Variants in XPO4 observed in about 807,000 individuals in gnomAD.
XPO4 encodes the protein exportin-4.
XPO4 carries 39 observed loss-of-function variants against 143.0 expected under a neutral mutation model. The observed-to-expected ratio is 0.27, with a 90% CI of 0.21 to 0.36. The LOEUF is 0.36. Ranked by LOEUF, XPO4 falls within the 10% of genes least tolerant of loss-of-function variation. The pLI, the probability that XPO4 is intolerant of heterozygous loss-of-function variation, is 1.00. For missense variants in XPO4, 907 were observed against 1,348.0 expected (o/e 0.67, Z 5.12); for synonymous variants, 439 against 474.0 (o/e 0.93, Z 0.96).
intron 1 of XPO4, 62 bp from the exon 2 acceptor site, chr13:20,868,763 T>G: frequency 6.7e-7 from 1 of 1,483,410 alleles, no homozygotes; most frequent in Non-Finnish European, 9.2e-7. Context: ...ATAATATCAA[T>G]ATTTTTACCC....
chr13:20,862,827 T>C lies in XPO4; in HGVS notation c.207A>G (p.Gln69=), dbSNP rs768009817. ...ETSKVDYVLF[Q]AATAIMEAVV... ...CTGCTTCCATTATGGCTGTGGCAGC[T>C]TGAAAGAGGACATAGTCCACTTTAC... The change falls in exon 3 of 23, where the codon CAA becomes CAG. Residue 69 remains glutamine, a synonymous_variant. Transcript: ENST00000255305. 12 of 1,614,046 alleles carry C rather than the reference T, an allele frequency of 7.4e-6. No individual in the cohort carries two copies. Among genetic ancestry groups the C allele is most frequent in the African/African-American group, 4.0e-5 (3 of 74,934 alleles).
chr13:20,797,487 AACG>A (rs1278508839), intron 16 of XPO4, among the ~76,000 whole-genome samples: 1 of 152,224 alleles, frequency 6.6e-6, no homozygotes, highest in African/African-American at 2.4e-5. Flanking sequence ...CTTGGCACAG[AACG>A]TAACTTCAGA....
At chr13:20,885,280 T>A (rs2060450998) in intron 1 of XPO4, among the ~76,000 whole-genome samples, 1 of 152,220 alleles carries the variant, frequency 6.6e-6, no homozygotes, top group Admixed American at 6.5e-5. Context: ...CTAGTCTTTG[T>A]ATTACTCTGG....
chr13:20,805,773 G>A (rs1009292661), intron 13 of XPO4, among the ~76,000 whole-genome samples: 1 of 152,138 alleles, frequency 6.6e-6, no homozygotes, highest in African/African-American at 2.4e-5. Context: ...AATACCCGAA[G>A]GCTCCCTGTT....
chr13:20,852,511 T>C, intron 4 of XPO4: 1 of 984,664 alleles, frequency 1.0e-6, no homozygotes, highest in South Asian at 4.7e-5. Flanking sequence ...AATGACAAGA[T>C]TACCATTATA....
intron 13 of XPO4, 26 bp downstream of exon 13, chr13:20,807,431 G>C (rs772762160): frequency 6.3e-7 from 1 of 1,579,976 alleles, no homozygotes; most frequent in Non-Finnish European, 8.6e-7. Flanking sequence ...AAAATTACAA[G>C]AGCACAGCTA....
Position 20,808,374 on chromosome 13 carries a change from T to C in XPO4, c.1639+62A>G, listed in dbSNP as rs931003022. ...CACTATTGTTTTTCATATAGGAAGC[T>C]TCTTTTAAGGCTTAAATTGCTCAGT... On this transcript the variant is annotated intron_variant, in intron 12 of 22. Transcript: ENST00000255305. 1.6e-5 allele frequency: 23 copies of C among 1,436,840 alleles called. No homozygotes were observed. The African/African-American group carries it at 3.1e-4, about 19-fold the overall frequency. 89.0% of individuals were successfully genotyped at this position (1,436,840 alleles called of 1,614,324 possible).
chr13:20,811,976 C>T (rs775530799), intron 9 of XPO4, among the ~76,000 whole-genome samples: 8 of 152,248 alleles, frequency 5.3e-5, no homozygotes, highest in African/African-American at 9.6e-5. Context: ...AAAGAGATCA[C>T]GGCCGGAAAT....
At position 20,777,498 on chromosome 13, in the gene XPO4, C is replaced by T. The variant is rs2059101123; in HGVS notation, c.*6224G>A. On this transcript the variant is annotated 3_prime_UTR_variant, in exon 23 of 23. Coordinates refer to ENST00000255305, the MANE Select transcript of XPO4 (RefSeq NM_022459.5). Reference sequence around the variant, plus strand: ...TAGTTAGACATTGAATCTAGGTCTGCCTCTACCCTGCAGTCTACCAGTTCA... The same window carrying T: ...TAGTTAGACATTGAATCTAGGTCTGTCTCTACCCTGCAGTCTACCAGTTCA... The T allele has an allele frequency of 6.6e-6, 1 of 152,164 alleles. No individual in the cohort carries two copies. The highest frequency in any genetic ancestry group is 2.4e-5 in the African/African-American group (1 of 41,442). 9.4% of individuals were successfully genotyped at this position (152,164 alleles called of 1,614,324 possible). A position where few individuals can be genotyped will look rare whatever the true frequency, so the allele number is the denominator to read the frequency against.
chr13:20,899,548 C>T (rs761133578), intron 1 of XPO4, among the ~76,000 whole-genome samples: 13 of 152,164 alleles, frequency 8.5e-5, no homozygotes, highest in South Asian at 2.1e-4. Context: ...CTCTCAGAGA[C>T]GGTGATAAAA....
At chr13:20,874,427 A>T (rs1485345380) in intron 1 of XPO4, among the ~76,000 whole-genome samples, 2 of 152,238 alleles carry the variant, frequency 1.3e-5, no homozygotes, top group African/African-American at 4.8e-5. Flanking sequence ...CCATGTTAAA[A>T]TTTAATTGCC....
intron 6 of XPO4, among the ~76,000 whole-genome samples, chr13:20,828,428 C>A (rs1206049789): frequency 1.3e-5 from 2 of 152,040 alleles, no homozygotes; most frequent in Non-Finnish European, 2.9e-5. Context: ...AAGTCTAAAT[C>A]GTTATTTTTA....
At chr13:20,898,596 C>G (rs563415436) in intron 1 of XPO4, among the ~76,000 whole-genome samples, 23 of 152,010 alleles carry the variant, frequency 1.5e-4, no homozygotes, top group African/African-American at 5.3e-4. Flanking sequence ...ATGAAAATTA[C>G]TTTTCTATAA....
At chr13:20,790,610 G>A (rs1352110044) in intron 18 of XPO4, 30 bp from the exon 19 acceptor site, 1 of 1,548,182 alleles carries the variant, frequency 6.5e-7, no homozygotes, top group Non-Finnish European at 8.9e-7. Flanking sequence ...CAGGCTTATG[G>A]TGGTAACATC....
intron 16 of XPO4, among the ~76,000 whole-genome samples, chr13:20,798,576 C>T (rs944128025): frequency 2.0e-5 from 3 of 152,234 alleles, no homozygotes; most frequent in South Asian, 2.1e-4. Flanking sequence ...TCCATGCTCT[C>T]GACTGAGTTG....
rs1356491956 is a variant in XPO4, at chr13:20,800,341, A to G, written c.1978-16T>C. 2 of 1,594,104 alleles carry G rather than the reference A, an allele frequency of 1.3e-6. No homozygotes were observed. Among genetic ancestry groups the G allele is most frequent in the Non-Finnish European group, 1.7e-6 (2 of 1,171,280 alleles). On this transcript the variant is annotated splice_polypyrimidine_tract_variant and intron_variant, in intron 14 of 22. Coordinates refer to ENST00000255305, the MANE Select transcript of XPO4 (RefSeq NM_022459.5). ...GCAGACTTATCTTAAGAGAGGAAAC[A>G]AATTTTTTAAGGTAAGCAAGAAAGA...
chr13:20,858,922 GTATATATA>G (rs59921874), intron 3 of XPO4, among the ~76,000 whole-genome samples: 4,421 of 148,624 alleles, frequency 0.03, 108 homozygotes, highest in African/African-American at 0.061. Context: ...ATGTGTGTGT[GTATATATA>G]TATATATATA....
At chr13:20,832,745 C>G (rs1382247783) in intron 6 of XPO4, among the ~76,000 whole-genome samples, 1 of 152,160 alleles carries the variant, frequency 6.6e-6, no homozygotes, top group Non-Finnish European at 1.5e-5. Flanking sequence ...ACAACACAGT[C>G]CAAGCAACCA....
chr13:20,789,916 T>G (rs575268354), intron 19 of XPO4, among the ~76,000 whole-genome samples: 1 of 151,538 alleles, frequency 6.6e-6, no homozygotes, highest in African/African-American at 2.4e-5. Context: ...AAAAGTTGCC[T>G]CACCGCCACC....
Sources: allele counts gnomAD v4.1 joint callset (sites outside exome capture counted in the v4.1 genomes callset), GRCh38; gene constraint gnomAD v4.1.1; transcripts MANE v1.5; gene names NCBI Gene and HGNC (gene_info 2026-07-23, HGNC 2026-07-21).